The following EPS8 variants were observed in gnomAD, a reference collection of about 807,000 sequenced individuals.
EPS8 encodes the protein EGFR pathway substrate 8, signaling adaptor.
Under a neutral mutation model 103.8 loss-of-function variants are expected in EPS8, and 42 were observed. The observed-to-expected ratio is 0.40, with a 90% CI of 0.32 to 0.52. The LOEUF is 0.52. Among genes scored for constraint, EPS8 ranks in the 20% least tolerant of loss-of-function variants. The pLI is 0.40. For missense variants in EPS8, 969 were observed against 1,005.1 expected, an observed-to-expected ratio of 0.96 and a Z score of 0.49; for synonymous variants, 344 against 344.6, an observed-to-expected ratio of 1.00 and a Z score of 0.02.
rs1377754331 is a variant in EPS8 at position 15,757,529 on chromosome 12, C to A, written c.-22+31632G>T. On this transcript the variant is annotated intron_variant, in intron 1 of 20. Coordinates refer to ENST00000281172, the MANE Select transcript of EPS8 (RefSeq NM_004447.6). The surrounding 1 kb of genome is among the most constrained non-coding windows in gnomAD (Gnocchi z 4.1). ...CCTGTAATCCCAGTTGCTCAGGAGG[C>A]TGAGGCAGGAGAATCGCTTGAACCC... Among the ~76,000 whole-genome samples, 1 of 152,004 alleles carries A rather than the reference C, an allele frequency of 6.6e-6. No individual in the cohort carries two copies. Among genetic ancestry groups the A allele is most frequent in the East Asian group, 1.9e-4 (1 of 5,184 alleles).
In EPS8 at chr12:15,700,841, A is replaced by G. The variant is rs1166246471; in HGVS notation, c.-21-17869T>C. Among the ~76,000 whole-genome samples, 2 of 152,230 alleles carry G rather than the reference A, an allele frequency of 1.3e-5. No homozygotes were observed. Among genetic ancestry groups the G allele is most frequent in the Non-Finnish European group, 2.9e-5 (2 of 68,036 alleles). On this transcript the variant is annotated intron_variant, in intron 1 of 20. Coordinates refer to ENST00000281172, the MANE Select transcript of EPS8 (RefSeq NM_004447.6). This position sits in a 1 kb window ranked among gnomAD's most constrained non-coding sequence, Gnocchi z 5.1. ...GTCCATACAAGTGCCATTTCTTTCA[A>G]ACACTGATTAGACAAAATTGAAGTC...
chr12:15,623,686 T>C (rs1944897836), intron 19 of EPS8, among the ~76,000 whole-genome samples: 1 of 152,242 alleles, frequency 6.6e-6, no homozygotes, highest in Non-Finnish European at 1.5e-5. Context: ...ATATGTATTA[T>C]TCTAATAGTT....
At position 15,787,110 on chromosome 12, in the gene EPS8, C is replaced by G. The variant is rs575846274; in HGVS notation, c.-22+2051G>C. 6.6e-6 allele frequency among the ~76,000 whole-genome samples: 1 copy of G among 152,188 alleles called. No homozygotes were observed. Among genetic ancestry groups the G allele is most frequent in the South Asian group, 2.1e-4 (1 of 4,816 alleles). ...ATTTAAAGAGACAACTTTTAAAAACCTATCATTTCCTATTCTGGATACTAT... is the reference window on the plus strand; with the variant it reads ...ATTTAAAGAGACAACTTTTAAAAACGTATCATTTCCTATTCTGGATACTAT... On this transcript the variant is annotated intron_variant, in intron 1 of 20. Transcript: ENST00000281172. The surrounding 1 kb of genome is among the most constrained non-coding windows in gnomAD (Gnocchi z 4.9).
chr12:15,670,487 T>C (rs1945796162), intron 4 of EPS8, among the ~76,000 whole-genome samples: 1 of 152,096 alleles, frequency 6.6e-6, no homozygotes, highest in East Asian at 1.9e-4. Context: ...AAAAGAACCA[T>C]TATTTAACTA....
intron 1 of EPS8, among the ~76,000 whole-genome samples, chr12:15,788,573 C>G: frequency 6.6e-6 from 1 of 152,114 alleles, no homozygotes; most frequent in East Asian, 1.9e-4. Flanking sequence ...GGAGAAAGGC[C>G]GTCTGTCTTC....
intron 15 of EPS8, among the ~76,000 whole-genome samples, chr12:15,646,077 G>A (rs1005985379): frequency 6.6e-6 from 1 of 152,120 alleles, no homozygotes; most frequent in African/African-American, 2.4e-5. Context: ...ATTTTCAACT[G>A]TATCTACTGA....
chr12:15,697,115 AG>A lies in EPS8; in HGVS notation c.-21-14144del, dbSNP rs985309380. Among the ~76,000 whole-genome samples, 34 of 152,192 alleles carry A rather than the reference AG, an allele frequency of 2.2e-4. No homozygotes were observed. The highest frequency in any genetic ancestry group is 7.7e-4 in the African/African-American group (32 of 41,444). ...GGGAAAATGGCCTATAGACTGAAGAAGGGAAAACTTGAGGGACAAGCACAAA... is the reference window on the plus strand; with the variant it reads ...GGGAAAATGGCCTATAGACTGAAGAAGGAAAACTTGAGGGACAAGCACAAA... On this transcript the variant is annotated intron_variant, in intron 1 of 20. Transcript: ENST00000281172. This position sits in a 1 kb window ranked among gnomAD's most constrained non-coding sequence, Gnocchi z 5.6.
intron 1 of EPS8, among the ~76,000 whole-genome samples, chr12:15,712,256 T>A (rs1287455754): frequency 6.6e-6 from 1 of 152,136 alleles, no homozygotes; most frequent in Non-Finnish European, 1.5e-5. Flanking sequence ...AAAAAAACTT[T>A]AAATACACAT....
rs1947135140 is a variant in EPS8, at chr12:15,769,901, G to A, written c.-22+19260C>T. ...TTGAATAATACCCAAAATAGTTCCA[G>A]TGCCACAATTATTTGTAATTTTCAT... On this transcript the variant is annotated intron_variant, in intron 1 of 20. Coordinates refer to ENST00000281172, the MANE Select transcript of EPS8 (RefSeq NM_004447.6). The surrounding 1 kb of genome is among the most constrained non-coding windows in gnomAD (Gnocchi z 4.6). 6.6e-6 allele frequency among the ~76,000 whole-genome samples: 1 copy of A among 151,444 alleles called. No homozygotes were observed. The highest frequency in any genetic ancestry group is 1.5e-5 in the Non-Finnish European group (1 of 67,908).
At chr12:15,687,194 C>T (rs1005466547) in intron 1 of EPS8, among the ~76,000 whole-genome samples, 3 of 152,054 alleles carry the variant, frequency 2.0e-5, no homozygotes, top group Non-Finnish European at 2.9e-5. Context: ...AGAGCAATCA[C>T]GTTTTAATAT....
rs1412256018 is a variant in EPS8 at position 15,688,843 on chromosome 12, G to A, written c.-21-5871C>T. Among the ~76,000 whole-genome samples the A allele has an allele frequency of 6.6e-6, 1 of 152,168 alleles. No homozygotes were observed. Among genetic ancestry groups the A allele is most frequent in the Non-Finnish European group, 1.5e-5 (1 of 68,034 alleles). ...ATAAGGTAGAGGATCTAATTGAGCT[G>A]GTTAACACAAGCTGTCTATAGACAG... On this transcript the variant is annotated intron_variant, in intron 1 of 20. Transcript: ENST00000281172. This position sits in a 1 kb window ranked among gnomAD's most constrained non-coding sequence, Gnocchi z 5.1.
chr12:15,681,499 G>A (rs1946006069), intron 2 of EPS8, among the ~76,000 whole-genome samples, 197 bp from the exon 3 acceptor site: 1 of 151,776 alleles, frequency 6.6e-6, no homozygotes, highest in Admixed American at 6.6e-5. Flanking sequence ...GGGAGGCCGA[G>A]GTGGGCACAT....
chr12:15,623,288 C>CT lies in EPS8; in HGVS notation c.2226-2dup, dbSNP rs757582504. On this transcript the variant is annotated splice_acceptor_variant, in intron 19 of 20. Transcript: ENST00000281172. LOFTEE classifies it high-confidence loss of function. ...TAATACTCCAAGACTATTGACAGTC[C>CT]TAAAAAAAAAAAAAGGAAAAAGAAA... is the stretch of plus-strand genomic sequence containing the variant. The CT allele has an allele frequency of 1.5e-5, 24 of 1,550,690 alleles. No homozygotes were observed. The highest frequency in any genetic ancestry group is 2.0e-5 in the Non-Finnish European group (23 of 1,156,414).
At chr12:15,667,056 T>C (rs1025170444) in intron 6 of EPS8, among the ~76,000 whole-genome samples, 5 of 152,230 alleles carry the variant, frequency 3.3e-5, no homozygotes, top group Non-Finnish European at 7.3e-5. Flanking sequence ...AACAATTAAC[T>C]TTTCCACTAC....
chr12:15,628,095 G>A (rs1944980307), intron 18 of EPS8, among the ~76,000 whole-genome samples: 2 of 150,920 alleles, frequency 1.3e-5, no homozygotes, highest in South Asian at 4.2e-4. Flanking sequence ...AGGGGAGGGA[G>A]GGAGGGAGGG....
rs997154084 is a variant in EPS8, at chr12:15,788,788, A to T, written c.-22+373T>A. ...AGCGCACAAATCCCAAGTCTAACGT[A>T]ATAAGCCGAGATCGGGATACTCGGT... On this transcript the variant is annotated intron_variant, in intron 1 of 20. Transcript: ENST00000281172. 5.3e-5 allele frequency among the ~76,000 whole-genome samples: 8 copies of T among 152,182 alleles called. No individual in the cohort carries two copies. The East Asian group carries it at 1.2e-3, about 22-fold the overall frequency.
chr12:15,712,016 A>C (rs1946471838), intron 1 of EPS8, among the ~76,000 whole-genome samples: 1 of 152,212 alleles, frequency 6.6e-6, no homozygotes, highest in African/African-American at 2.4e-5. Context: ...TTAGTGACAG[A>C]ATAATAACAA....
intron 1 of EPS8, among the ~76,000 whole-genome samples, chr12:15,723,067 T>C (rs1946615309): frequency 6.6e-6 from 1 of 151,202 alleles, no homozygotes; most frequent in East Asian, 1.9e-4. Flanking sequence ...CTCATGTCTA[T>C]AATCCCAGAA....
intron 7 of EPS8, among the ~76,000 whole-genome samples, 161 bp from the exon 8 acceptor site, chr12:15,666,053 T>C (rs1945703485): frequency 6.6e-6 from 1 of 152,240 alleles, no homozygotes; most frequent in African/African-American, 2.4e-5. Flanking sequence ...TATGAATGCA[T>C]ATGAAATAAA....
Sources: gnomAD v4.1 joint callset for allele counts (sites outside exome capture counted in the v4.1 genomes callset) on GRCh38, gnomAD v4.1.1 for gene constraint, Gnocchi (gnomAD v3.1) non-coding constraint, MANE v1.5 for transcripts, NCBI Gene and HGNC (gene_info 2026-07-23, HGNC 2026-07-21) for gene names.